Variants in MBP observed in about 807,000 individuals in gnomAD.
MBP encodes the protein myelin basic protein.
In MBP, 16 loss-of-function variants were observed where a neutral mutation model predicts 35.8. The observed-to-expected ratio is 0.45, with a 90% confidence interval of 0.30 to 0.68. MBP has a LOEUF of 0.68. Ranked by LOEUF, MBP falls within the 30% of genes least tolerant of loss-of-function variation. The pLI is 0.08. For synonymous variants in MBP, 143 were observed against 159.6 expected (o/e 0.90, Z 0.78); for missense variants, 380 against 404.7 (o/e 0.94, Z 0.52).
chr18:77,053,286 C>T (rs1599148339), intron 3 of MBP, among the ~76,000 whole-genome samples: 1 of 152,244 alleles, frequency 6.6e-6, no homozygotes, highest in East Asian at 1.9e-4. Context: ...AGGGGCCCCA[C>T]TGCAGGTCCA....
chr18:77,035,160 T>A (rs1972707156), intron 3 of MBP, among the ~76,000 whole-genome samples: 1 of 152,200 alleles, frequency 6.6e-6, no homozygotes, highest in South Asian at 2.1e-4. Flanking sequence ...CCAGGTTTCC[T>A]CTGCTTCTCC....
intron 4 of MBP, chr18:77,004,399 T>C (rs1399090789): frequency 1.3e-5 from 2 of 152,186 alleles, no homozygotes; most frequent in Non-Finnish European, 2.9e-5. Flanking sequence ...TTTTAGATTT[T>C]GCAGTTTGGA....
rs2123459518 is a variant in MBP, at chr18:77,016,312, CGTT to C, written c.576+517_576+519del. The C allele has an allele frequency of 6.1e-6, 6 of 987,124 alleles. No homozygotes were observed. The South Asian group carries it at 1.9e-4, about 31-fold the overall frequency. 61.1% of individuals were successfully genotyped at this position (987,124 alleles called of 1,614,324 possible). ...CTTCCACTTCTCAGACCACAGAGAA[CGTT>C]TGCTCAAGGCGGATTTAAATTGAGG... On this transcript the variant is annotated intron_variant, in intron 4 of 8. Transcript: ENST00000355994.
rs752033039 is a variant in MBP at position 76,979,801 on chromosome 18, G to A, written c.*626C>T. 5 of 601,182 alleles carry A rather than the reference G, an allele frequency of 8.3e-6. No homozygotes were observed. Among genetic ancestry groups the A allele is most frequent in the Non-Finnish European group, 1.5e-5 (5 of 337,844 alleles). 37.2% of individuals were successfully genotyped at this position (601,182 alleles called of 1,614,324 possible). ...GGGGTGTGTGGGCAGCCACGGCCTG[G>A]GGAGGTGGCCCCCTCTCTGTGCTGC... On this transcript the variant is annotated 3_prime_UTR_variant, in exon 9 of 9. Coordinates refer to ENST00000355994, the MANE Select transcript of MBP (RefSeq NM_001025101.2).
At chr18:77,069,613 A>G (rs1420302603) in intron 2 of MBP, among the ~76,000 whole-genome samples, 1 of 152,228 alleles carries the variant, frequency 6.6e-6, no homozygotes, top group Non-Finnish European at 1.5e-5. Flanking sequence ...TTTCAGATGC[A>G]GAGTGAAAGC....
chr18:76,984,953 G>C, intron 7 of MBP, 59 bp from the exon 8 acceptor site: 1 of 1,599,470 alleles, frequency 6.3e-7, no homozygotes, highest in South Asian at 1.1e-5. Flanking sequence ...CGCTGCTTGA[G>C]CCACTGGGAG....
chr18:77,098,168 C>CTTTTTTTTTTTTTATT (rs1975843609), intron 2 of MBP, among the ~76,000 whole-genome samples: 1 of 108,546 alleles, frequency 9.2e-6, no homozygotes, highest in Non-Finnish European at 1.8e-5. Context: ...CAAGGACTTC[C>CTTTTTTTTTTTTTATT]TTTTTTTTTT....
chr18:77,120,077 G>A (rs950181283), intron 1 of MBP, among the ~76,000 whole-genome samples: 4 of 152,216 alleles, frequency 2.6e-5, no homozygotes, highest in African/African-American at 9.6e-5. Flanking sequence ...TTTAGGAAGA[G>A]CACAGCCGTG....
chr18:77,026,791 AG>A (rs1278555459), intron 3 of MBP, among the ~76,000 whole-genome samples: 1 of 152,194 alleles, frequency 6.6e-6, no homozygotes. Context: ...ACTTAAGCCC[AG>A]GAAGTTGAGG....
intron 3 of MBP, among the ~76,000 whole-genome samples, chr18:77,058,296 C>T (rs931960014): frequency 5.3e-5 from 8 of 152,192 alleles, no homozygotes; most frequent in Non-Finnish European, 8.8e-5. Context: ...GCAGTGGCTC[C>T]GCTCTGGCTT....
At chr18:77,077,179 G>A (rs1974689494) in intron 2 of MBP, among the ~76,000 whole-genome samples, 1 of 151,666 alleles carries the variant, frequency 6.6e-6, no homozygotes. Context: ...TGGCCAACAT[G>A]GTGAAACCCT....
At position 77,006,235 on chromosome 18, in the gene MBP, A is replaced by G. The variant is rs117373555; in HGVS notation, c.576+10597T>C. On this transcript the variant is annotated intron_variant, in intron 4 of 8. Coordinates refer to ENST00000355994, the MANE Select transcript of MBP (RefSeq NM_001025101.2). ...GTGTCCTCCAAGTCAGGCCAGGAGC[A>G]CAAGGGTCTGTGAGAAAGAGGCAGA... The G allele has an allele frequency of 1.8e-4, 28 of 152,532 alleles. No individual in the cohort carries two copies. In the East Asian group the frequency reaches 5.4e-3, roughly 29 times the overall value. The allele number at this position is 152,532 out of a possible 1,614,324, so 9.4% of individuals were successfully genotyped here. A position where few individuals can be genotyped will look rare whatever the true frequency, so the allele number is the denominator to read the frequency against.
chr18:77,016,773 C>T (rs1031113595), intron 4 of MBP, 59 bp downstream of exon 4: 14 of 1,587,758 alleles, frequency 8.8e-6, no homozygotes, highest in Admixed American at 8.6e-5. Context: ...AGTTCACCTA[C>T]TGATTTCTCC....
intron 7 of MBP, chr18:76,987,592 T>C (rs948440554): frequency 1.3e-5 from 13 of 985,372 alleles, no homozygotes; most frequent in Non-Finnish European, 1.6e-5. Flanking sequence ...TTAAAATGTA[T>C]TCATTCATTT....
chr18:77,047,422 C>T (rs1480675115), intron 3 of MBP, among the ~76,000 whole-genome samples: 4 of 152,332 alleles, frequency 2.6e-5, no homozygotes, highest in East Asian at 3.9e-4. Context: ...CCAGGACACG[C>T]AAATCCACAG....
At chr18:77,056,636 CT>C (rs1023998131) in intron 3 of MBP, among the ~76,000 whole-genome samples, 18 of 152,346 alleles carry the variant, frequency 1.2e-4, no homozygotes, top group African/African-American at 4.3e-4. Flanking sequence ...CACCCCAGTG[CT>C]TAAAAACCCT....
Position 76,989,005 on chromosome 18 carries a change from T to A in MBP, c.682-93A>T. 8.0e-7 allele frequency: 1 copy of A among 1,249,844 alleles called. No individual in the cohort carries two copies. Among genetic ancestry groups the A allele is most frequent in the Middle Eastern group, 1.9e-4 (1 of 5,384 alleles). The allele number at this position is 1,249,844 out of a possible 1,614,324, so 77.4% of individuals were successfully genotyped here. Reference sequence around the variant, plus strand: ...TCCTGCCTGCTGAGGGTGGCTAGCATCCATCAGCTGCCAGAAGCACCCGGG... The same window carrying A: ...TCCTGCCTGCTGAGGGTGGCTAGCAACCATCAGCTGCCAGAAGCACCCGGG... On this transcript the variant is annotated intron_variant, in intron 5 of 8. Coordinates refer to ENST00000355994, the MANE Select transcript of MBP (RefSeq NM_001025101.2). The surrounding 1 kb of genome is among the most constrained non-coding windows in gnomAD (Gnocchi z 4.0).
At chr18:77,066,809 T>G (rs542327667) in intron 2 of MBP, among the ~76,000 whole-genome samples, 66 of 152,324 alleles carry the variant, frequency 4.3e-4, no homozygotes, top group African/African-American at 1.5e-3. Context: ...AGGACCACTT[T>G]GATGGGAGAA....
intron 4 of MBP, among the ~76,000 whole-genome samples, chr18:76,994,259 C>T (rs913150948): frequency 2.0e-5 from 3 of 152,244 alleles, no homozygotes; most frequent in South Asian, 2.1e-4. Flanking sequence ...CAAGCCACAC[C>T]GCCTCGGTGT....
Sources: allele counts gnomAD v4.1 joint callset (sites outside exome capture counted in the v4.1 genomes callset), GRCh38; gene constraint gnomAD v4.1.1; non-coding constraint Gnocchi (gnomAD v3.1); transcripts MANE v1.5; gene names NCBI Gene and HGNC (gene_info 2026-07-23, HGNC 2026-07-21).